TTC7A: variants seen among roughly 807,000 people sequenced by gnomAD.
The protein encoded by TTC7A is tetratricopeptide repeat domain 7A, also known as tetratricopeptide repeat protein 7A.
A neutral mutation model predicts 103.7 loss-of-function variants in TTC7A; 110 were observed. The ratio of observed to expected loss-of-function variants is 1.06; its 90% CI spans 0.91 to 1.24. The LOEUF (loss-of-function observed/expected upper bound fraction) is 1.24, where lower values mean the gene tolerates loss of function less well. Ranked by LOEUF, TTC7A falls within the 50% of genes most tolerant of loss-of-function variation. The probability of loss-of-function intolerance (pLI) is 0.00; values close to 1 mark genes in which losing one functional copy is unlikely to be tolerated. For synonymous variants in TTC7A, 521 were observed against 467.9 expected (o/e 1.11, Z -1.47); for missense variants, 1,340 against 1,116.3 (o/e 1.20, Z -2.86).
chr2:46,947,113 A>G (rs1012767508), intron 1 of TTC7A, among the ~76,000 whole-genome samples: 25 of 152,220 alleles, frequency 1.6e-4, no homozygotes, highest in Non-Finnish European at 5.9e-5. Context: ...TTAAGTTGTT[A>G]AGACTGTTGT....
chr2:47,038,474 G>C (rs1459651635), intron 15 of TTC7A, among the ~76,000 whole-genome samples: 1 of 152,182 alleles, frequency 6.6e-6, no homozygotes, highest in African/African-American at 2.4e-5. Context: ...ACCTGACTCA[G>C]AGAATAGCCT....
intron 15 of TTC7A, among the ~76,000 whole-genome samples, chr2:47,034,834 G>C (rs1680935549): frequency 6.6e-6 from 1 of 152,142 alleles, no homozygotes; most frequent in South Asian, 2.1e-4. Flanking sequence ...GAAAGTCCTG[G>C]GGGAAGCTTT....
intron 2 of TTC7A, among the ~76,000 whole-genome samples, chr2:46,932,716 C>T (rs1386596179): frequency 6.6e-6 from 1 of 151,686 alleles, no homozygotes; most frequent in Admixed American, 6.6e-5. Flanking sequence ...GTTTGGCCAA[C>T]AAGGTGAAAC....
intron 15 of TTC7A, among the ~76,000 whole-genome samples, chr2:47,031,661 G>A (rs1680553948): frequency 6.6e-6 from 1 of 152,230 alleles, no homozygotes; most frequent in South Asian, 2.1e-4. Flanking sequence ...CTGCTCTGAT[G>A]GAGCCAAGGA....
chr2:47,025,804 C>T (rs1303286239), intron 14 of TTC7A, among the ~76,000 whole-genome samples: 1 of 152,194 alleles, frequency 6.6e-6, no homozygotes, highest in Non-Finnish European at 1.5e-5. Context: ...AGGCTGCGCC[C>T]CCACCCTGTC....
intron 14 of TTC7A, among the ~76,000 whole-genome samples, chr2:47,027,218 A>T (rs992890705): frequency 1.3e-5 from 2 of 152,196 alleles, no homozygotes; most frequent in African/African-American, 4.8e-5. Context: ...CTGGGGAATC[A>T]GGCCAGGTTG....
At position 46,935,460 on chromosome 2, in the gene TTC7A, C is replaced by A. The variant is rs193210023; in HGVS notation, c.83-14903C>A. 2.8e-4 allele frequency among the ~76,000 whole-genome samples: 43 copies of A among 152,296 alleles called. No individual in the cohort carries two copies. In the East Asian group the frequency reaches 6.4e-3, roughly 23 times the overall value. Reference sequence around the variant, plus strand: ...CAGACCCCAACACTTCATAACTATTCCAACTTTGCCTTCCCTATTCCAGAC... The same window carrying A: ...CAGACCCCAACACTTCATAACTATTACAACTTTGCCTTCCCTATTCCAGAC... On this transcript the variant is annotated intron_variant, in intron 2 of 20. Coordinates refer to the TTC7A transcript ENST00000409245.
Position 47,053,539 on chromosome 2 carries a change from T to TTGGTTGGTTGG in TTC7A, c.2152+1660_2152+1661insGGTTGGTTGGT, listed in dbSNP as rs541862811. 9.1e-5 allele frequency among the ~76,000 whole-genome samples: 6 copies of TTGGTTGGTTGG among 66,150 alleles called. No homozygotes were observed. The South Asian group carries it at 2.4e-3, about 26-fold the overall frequency. 43.4% of individuals were successfully genotyped at this position (66,150 alleles called of 152,430 possible). ...GGTTTTTGGTGGGTTTTTTTGTTTG[T>TTGGTTGGTTGG]TTGTTTGGTTGGTTGGTTGGTTGGT... On this transcript the variant is annotated intron_variant, in intron 18 of 19. Transcript: ENST00000319190.
At chr2:47,001,819 A>C (rs1351835890) in intron 8 of TTC7A, among the ~76,000 whole-genome samples, 1 of 149,032 alleles carries the variant, frequency 6.7e-6, no homozygotes, top group Non-Finnish European at 1.5e-5. Flanking sequence ...AGACCACACC[A>C]CTGCTCTCCA....
At chr2:46,930,789 C>G (rs932520038) in intron 2 of TTC7A, among the ~76,000 whole-genome samples, 8 of 152,030 alleles carry the variant, frequency 5.3e-5, no homozygotes, top group Non-Finnish European at 2.9e-5. Flanking sequence ...CGTGAGCCAC[C>G]GCACCCAGCC....
intron 3 of TTC7A, among the ~76,000 whole-genome samples, chr2:46,968,977 C>T (rs1427274023): frequency 6.6e-6 from 1 of 150,814 alleles, no homozygotes; most frequent in Non-Finnish European, 1.5e-5. Flanking sequence ...CTATGTTGCC[C>T]AGGCTGGTCT....
intron 2 of TTC7A, among the ~76,000 whole-genome samples, chr2:46,920,859 C>T (rs912723638): frequency 2.0e-5 from 3 of 151,006 alleles, no homozygotes; most frequent in African/African-American, 7.3e-5. Context: ...TGGCTGTCTA[C>T]AAAACTTCAG....
At chr2:46,945,136 T>G (rs945530276) in intron 1 of TTC7A, among the ~76,000 whole-genome samples, 24 of 152,214 alleles carry the variant, frequency 1.6e-4, no homozygotes, top group African/African-American at 5.8e-4. Flanking sequence ...TTTTTAATTT[T>G]TTTTTTTATT....
chr2:47,029,694 C>G (rs1160981861), intron 15 of TTC7A, among the ~76,000 whole-genome samples: 2 of 152,186 alleles, frequency 1.3e-5, no homozygotes, highest in Non-Finnish European at 2.9e-5. Flanking sequence ...TTCTGCCTGC[C>G]CTGGGCTCTG....
intron 2 of TTC7A, among the ~76,000 whole-genome samples, chr2:46,919,273 G>A (rs1159028272): frequency 6.6e-6 from 1 of 152,204 alleles, no homozygotes; most frequent in Non-Finnish European, 1.5e-5. Flanking sequence ...GGTGGCTCAC[G>A]CCTGTAATCC....
rs577251005 is a variant in TTC7A, at chr2:46,956,219, C to T, written c.349-620C>T. On this transcript the variant is annotated intron_variant, in intron 2 of 19. Transcript: ENST00000319190. ...AGGGGAAAGAAAACACGTTTAAATTCAGCCACTCTTGGCCTCCGTGATTCT... is the reference window on the plus strand; with the variant it reads ...AGGGGAAAGAAAACACGTTTAAATTTAGCCACTCTTGGCCTCCGTGATTCT... 5.9e-5 allele frequency among the ~76,000 whole-genome samples: 9 copies of T among 152,312 alleles called. No individual in the cohort carries two copies. In the South Asian group the frequency reaches 6.2e-4, roughly 11 times the overall value.
chr2:46,935,395 C>G (rs1196926847), intron 2 of TTC7A, among the ~76,000 whole-genome samples: 1 of 152,142 alleles, frequency 6.6e-6, no homozygotes, highest in Non-Finnish European at 1.5e-5. Flanking sequence ...AAACTCCTTT[C>G]TTGCCACTGA....
At chr2:46,946,257 G>T (rs1382000177) in intron 1 of TTC7A, among the ~76,000 whole-genome samples, 4 of 152,028 alleles carry the variant, frequency 2.6e-5, no homozygotes, top group Non-Finnish European at 5.9e-5. Context: ...CTATCGGTCT[G>T]ATGGCAAGGT....
intron 19 of TTC7A, among the ~76,000 whole-genome samples, chr2:47,064,151 G>T (rs1327823817): frequency 6.6e-6 from 1 of 152,232 alleles, no homozygotes; most frequent in Non-Finnish European, 1.5e-5. Flanking sequence ...TTCTCTGCTA[G>T]GCAAGAGAAC....
Sources: allele counts gnomAD v4.1 joint callset (sites outside exome capture counted in the v4.1 genomes callset), GRCh38; gene constraint gnomAD v4.1.1; transcripts MANE v1.5; gene names NCBI Gene and HGNC (gene_info 2026-07-23, HGNC 2026-07-21).